The following BBS2 variants were observed in gnomAD, a reference collection of about 807,000 sequenced individuals.
BBS2 encodes the protein BBSome complex member BBS2.
Under a neutral mutation model 83.0 loss-of-function variants are expected in BBS2, and 62 were observed. The observed-to-expected ratio is 0.75, with a 90% confidence interval of 0.61 to 0.92. The LOEUF (loss-of-function observed/expected upper bound fraction) is 0.92. BBS2 is among the 40% of genes least tolerant of loss of function. The probability of loss-of-function intolerance (pLI) is 0.00; values close to 1 mark genes in which losing one functional copy is unlikely to be tolerated. For synonymous variants in BBS2, 303 were observed against 326.1 expected, an observed-to-expected ratio of 0.93 and a Z score of 0.76; for missense variants, 784 against 901.0, an observed-to-expected ratio of 0.87 and a Z score of 1.66.
chr16:56,495,410 A>G (rs1964088897), intron 15 of BBS2, among the ~76,000 whole-genome samples: 1 of 152,174 alleles, frequency 6.6e-6, no homozygotes, highest in Admixed American at 6.5e-5. Flanking sequence ...GAATCTAATC[A>G]AGCCTCCAGA....
rs541209505 is a variant in BBS2 at position 56,510,713 on chromosome 16, G to T, written c.534+146C>A. ...ATTGTTCAAAAGAGAAGAGAAAGAC[G>T]AATGGGGCCAACTGGCTGAGCATTT... On this transcript the variant is annotated intron_variant, in intron 4 of 16. Coordinates refer to ENST00000245157, the MANE Select transcript of BBS2 (RefSeq NM_031885.5). The T allele has an allele frequency of 7.4e-5, 59 of 792,874 alleles. 1 individual carries two copies. Among genetic ancestry groups the T allele is most frequent in the South Asian group, 6.9e-4 (49 of 71,094 alleles). 49.1% of individuals were successfully genotyped at this position (792,874 alleles called of 1,614,324 possible).
rs1567588974 is a variant in BBS2 at position 56,519,886 on chromosome 16, G to A, written c.-24C>T. The A allele has an allele frequency of 6.3e-7, 1 of 1,590,120 alleles. No homozygotes were observed. Among genetic ancestry groups the A allele is most frequent in the South Asian group, 1.1e-5 (1 of 90,534 alleles). On this transcript the variant is annotated 5_prime_UTR_variant, in exon 1 of 17. Transcript: ENST00000245157. ...ATGATGGCGGCGGCTTAGGGGAGGA[G>A]GGCTGGAAGCTGGAGACAAGCGCAG...
intron 15 of BBS2, among the ~76,000 whole-genome samples, chr16:56,487,625 A>G (rs1305862641): frequency 6.6e-6 from 1 of 152,250 alleles, no homozygotes; most frequent in Non-Finnish European, 1.5e-5. Flanking sequence ...ATATAAAGAC[A>G]TAGCATGTTC....
intron 15 of BBS2, among the ~76,000 whole-genome samples, chr16:56,487,271 A>T (rs759182545): frequency 2.2e-4 from 34 of 152,196 alleles, no homozygotes; most frequent in Non-Finnish European, 3.8e-4. Context: ...AGAGAGAGAT[A>T]GAGAGATAGA....
At chr16:56,503,925 A>C (rs1229429775) in intron 7 of BBS2, among the ~76,000 whole-genome samples, 2 of 151,986 alleles carry the variant, frequency 1.3e-5, no homozygotes, top group Non-Finnish European at 1.5e-5. Flanking sequence ...GTCTCAAAAA[A>C]AAAAAAAAAG....
chr16:56,484,753 T>C lies in BBS2; in HGVS notation c.*8A>G. ...TGCCAGGAACTTCATGACCTGTATT[T>C]TCCTCACCTAGGAAGAAGCTGTCCC... On this transcript the variant is annotated 3_prime_UTR_variant, in exon 17 of 17. Transcript: ENST00000245157. The C allele has an allele frequency of 6.2e-7, 1 of 1,611,912 alleles. No homozygotes were observed. The highest frequency in any genetic ancestry group is 8.5e-7 in the Non-Finnish European group (1 of 1,178,052).
chr16:56,489,098 A>AT, intron 15 of BBS2, among the ~76,000 whole-genome samples: 1 of 152,124 alleles, frequency 6.6e-6, no homozygotes, highest in East Asian at 1.9e-4. Flanking sequence ...AAAAAAAAAA[A>AT]ATGGCCGAGG....
chr16:56,485,511 T>C lies in BBS2; in HGVS notation c.2059+79A>G, dbSNP rs8062526. The C allele has an allele frequency of 0.2, 305,527 of 1,560,946 alleles. 32,237 individuals carry two copies. Among genetic ancestry groups the C allele is most frequent in the African/African-American group, 0.37 (27,180 of 73,746 alleles). ...CTACTTTCAGCCCCAATATGAATTA[T>C]TGGATGCTACCACCATCTTCAATGA... On this transcript the variant is annotated intron_variant, in intron 16 of 16. Coordinates refer to ENST00000245157, the MANE Select transcript of BBS2 (RefSeq NM_031885.5).
At chr16:56,506,735 C>T (rs1964432838) in intron 5 of BBS2, among the ~76,000 whole-genome samples, 1 of 152,132 alleles carries the variant, frequency 6.6e-6, no homozygotes, top group Non-Finnish European at 1.5e-5. Flanking sequence ...AAAGAAAGAA[C>T]ACATAATCCT....
intron 17 of BBS2, among the ~76,000 whole-genome samples, chr16:56,474,644 A>C (rs769966901): frequency 6.6e-6 from 1 of 152,010 alleles, no homozygotes; most frequent in Non-Finnish European, 1.5e-5. Flanking sequence ...TTTACCCCAA[A>C]ATAGAGCTGG....
In BBS2 at chr16:56,498,505, AT is replaced by A; in HGVS notation, c.1590del (p.Gln532LysfsTer15). 1 of 1,614,128 alleles carries A rather than the reference AT, an allele frequency of 6.2e-7. No individual in the cohort carries two copies. The highest frequency in any genetic ancestry group is 2.2e-5 in the East Asian group (1 of 44,864). On this transcript the variant is annotated frameshift_variant, in exon 13 of 17. Transcript: ENST00000245157. LOFTEE classifies it high-confidence loss of function. ...CGTAAAGATGTGAAACACACTTGAA[AT>A]GGAGCATTCTGAATGTGAGTGTCTT... ...LPEDTHIQNA[P>X]FQVCFTSLRN...
chr16:56,506,344 G>C lies in BBS2; in HGVS notation c.613-120C>G. The C allele has an allele frequency of 3.9e-6, 3 of 775,622 alleles. No homozygotes were observed. In the South Asian group the frequency reaches 4.4e-5, roughly 11 times the overall value. The allele number at this position is 775,622 out of a possible 1,614,324, so 48.0% of individuals were successfully genotyped here. A position where few individuals can be genotyped will look rare whatever the true frequency, so the allele number is the denominator to read the frequency against. ...CTATGTTAAAATTAGATTTAAAAGCGCTTCCAATCCATTAGTGGGGAATGT... is the reference window on the plus strand; with the variant it reads ...CTATGTTAAAATTAGATTTAAAAGCCCTTCCAATCCATTAGTGGGGAATGT... On this transcript the variant is annotated intron_variant, in intron 5 of 16. Coordinates refer to ENST00000245157, the MANE Select transcript of BBS2 (RefSeq NM_031885.5).
At chr16:56,490,854 C>A (rs868647476) in intron 15 of BBS2, among the ~76,000 whole-genome samples, 1 of 151,582 alleles carries the variant, frequency 6.6e-6, no homozygotes, top group Admixed American at 6.6e-5. Context: ...CTCCGCCTCC[C>A]GGGTTCACAC....
Position 56,519,871 on chromosome 16 carries a change from C to T in BBS2, c.-9G>A, listed in dbSNP as rs552059609. ...AACACAGGCAGCAGCATGATGGCGG[C>T]GGCTTAGGGGAGGAGGGCTGGAAGC... is the stretch of plus-strand genomic sequence containing the variant. On this transcript the variant is annotated 5_prime_UTR_variant, in exon 1 of 17. Coordinates refer to ENST00000245157, the MANE Select transcript of BBS2 (RefSeq NM_031885.5). The T allele has an allele frequency of 1.7e-5, 27 of 1,610,044 alleles. 1 individual carries two copies. The East Asian group carries it at 5.8e-4, about 35-fold the overall frequency.
intron 5 of BBS2, 33 bp from the exon 6 acceptor site, chr16:56,506,257 T>C: frequency 6.6e-7 from 1 of 1,508,698 alleles, no homozygotes; most frequent in Non-Finnish European, 9.2e-7. Flanking sequence ...ACAACATCTT[T>C]TCATTAAGAC....
chr16:56,476,178 G>A (rs1335603063), intron 17 of BBS2: 3 of 1,612,142 alleles, frequency 1.9e-6, no homozygotes, highest in African/African-American at 2.7e-5. Context: ...CAGGTTTCTG[G>A]GACTTTTCAT....
At chr16:56,494,330 T>C (rs1362122844) in intron 15 of BBS2, among the ~76,000 whole-genome samples, 2 of 151,836 alleles carry the variant, frequency 1.3e-5, no homozygotes, top group Non-Finnish European at 2.9e-5. Context: ...GAGCCTATAT[T>C]CATAAATCTG....
intron 15 of BBS2, among the ~76,000 whole-genome samples, chr16:56,487,249 AT>A (rs1472122666): frequency 6.6e-6 from 1 of 152,158 alleles, no homozygotes; most frequent in East Asian, 1.9e-4. Flanking sequence ...GCCAGCAACC[AT>A]TTTTGACTTA....
At chr16:56,502,079 G>T in intron 9 of BBS2, 1 of 584,542 alleles carries the variant, frequency 1.7e-6, no homozygotes, top group Non-Finnish European at 3.0e-6. Flanking sequence ...TGTTTTCACT[G>T]CTATAAATAA....
Sources: gnomAD v4.1 joint callset for allele counts (sites outside exome capture counted in the v4.1 genomes callset) on GRCh38, gnomAD v4.1.1 for gene constraint, MANE v1.5 for transcripts, NCBI Gene and HGNC (gene_info 2026-07-23, HGNC 2026-07-21) for gene names.